The following AGAP3 variants were observed in gnomAD, a reference collection of about 807,000 sequenced individuals.
AGAP3 encodes arf-GAP with GTPase, ANK repeat and PH domain-containing protein 3.
In AGAP3, 24 loss-of-function variants were observed where a neutral mutation model predicts 96.9. The ratio of observed to expected loss-of-function variants is 0.25; its 90% CI spans 0.18 to 0.35. The LOEUF is 0.35. AGAP3 is among the 10% of genes least tolerant of loss of function. AGAP3 has a pLI of 1.00. For synonymous variants in AGAP3, 563 were observed against 536.1 expected (o/e 1.05, Z -0.69); for missense variants, 876 against 1,254.2 (o/e 0.70, Z 4.55).
chr7:151,104,804 T>A (rs1281759756), intron 1 of AGAP3, among the ~76,000 whole-genome samples: 1 of 152,208 alleles, frequency 6.6e-6, no homozygotes, highest in Non-Finnish European at 1.5e-5. Context: ...ACCGCCTTGC[T>A]TGTGGTAGCT....
intron 1 of AGAP3, among the ~76,000 whole-genome samples, chr7:151,098,227 C>G (rs911260296): frequency 2.0e-5 from 3 of 152,156 alleles, no homozygotes; most frequent in African/African-American, 7.2e-5. Context: ...GGCATGGTGG[C>G]GCATGCCTCC....
At chr7:151,099,007 A>T (rs1290612387) in intron 1 of AGAP3, among the ~76,000 whole-genome samples, 2 of 151,054 alleles carry the variant, frequency 1.3e-5, no homozygotes, top group Admixed American at 1.3e-4. Flanking sequence ...AAGCGCTGGG[A>T]TTATAGGTGT....
chr7:151,098,303 G>A (rs975978799), intron 1 of AGAP3, among the ~76,000 whole-genome samples: 1 of 152,170 alleles, frequency 6.6e-6, no homozygotes, highest in African/African-American at 2.4e-5. Flanking sequence ...AGGTTGCAGT[G>A]AGCTGAGATT....
At chr7:151,116,742 A>T (rs1275857674) in intron 1 of AGAP3, 51 bp from the exon 2 acceptor site, 1 of 1,606,336 alleles carries the variant, frequency 6.2e-7, no homozygotes, top group Non-Finnish European at 8.5e-7. Context: ...AGTGGTTGGG[A>T]CAGGTGTGTG....
At chr7:151,134,711 T>C (rs1469019382) in intron 11 of AGAP3, 143 bp downstream of exon 11, 2 of 884,356 alleles carry the variant, frequency 2.3e-6, no homozygotes, top group African/African-American at 1.7e-5. Flanking sequence ...GCCAAAGACA[T>C]GTGCCCTAAC....
In AGAP3 at chr7:151,138,304, C is replaced by G; in HGVS notation, c.1657C>G (p.Gln553Glu). The G allele has an allele frequency of 6.2e-7, 1 of 1,611,140 alleles. No individual in the cohort carries two copies. ...EATTSLPPGM[Q>E]HPASGPAEVL... Reference sequence around the variant, plus strand: ...CACCACTTCCCTGCCCCCAGGCATGCAGCACCCTGGTGAGTGGTGGCTCTG... The same window carrying G: ...CACCACTTCCCTGCCCCCAGGCATGGAGCACCCTGGTGAGTGGTGGCTCTG... Residue 553 changes from glutamine to glutamate, a missense_variant, in exon 12 of 18, where the codon CAG (glutamine) becomes GAG (glutamate). Physicochemically the swap from Gln to Glu is conservative, Grantham distance 29. This residue lies in a region of AGAP3 where 155 missense variants were observed against 144.4 expected (regional missense o/e 1.07). Transcript: ENST00000397238.
chr7:151,132,019 G>A (rs1283408824), intron 10 of AGAP3, among the ~76,000 whole-genome samples: 2 of 152,242 alleles, frequency 1.3e-5, no homozygotes, highest in Non-Finnish European at 2.9e-5. Flanking sequence ...ACCAGGGACG[G>A]GCAGCTGAGT....
In AGAP3 at chr7:151,118,626, C is replaced by T. The variant is rs756991712; in HGVS notation, c.963C>T (p.Ile321=). 1 of 1,612,866 alleles carries T rather than the reference C, an allele frequency of 6.2e-7. No homozygotes were observed. Among genetic ancestry groups the T allele is most frequent in the East Asian group, 2.2e-5 (1 of 44,872 alleles). The change falls in exon 7 of 18, where the codon ATC becomes ATT. Residue 321 remains isoleucine (I), a synonymous_variant. Coordinates refer to ENST00000397238, the MANE Select transcript of AGAP3 (RefSeq NM_031946.7). The surrounding 1 kb of genome is among the most constrained non-coding windows in gnomAD (Gnocchi z 6.1). ...CCGCCTCCATCCCGGCCGTGCACAT[C>T]AACCAGGTTCGGCCTGTGCCCCGCC... ...VSAASIPAVH[I]NQATNGGGSA...
intron 11 of AGAP3, among the ~76,000 whole-genome samples, chr7:151,134,970 C>T (rs1346430812): frequency 1.3e-5 from 2 of 152,166 alleles, no homozygotes; most frequent in Non-Finnish European, 2.9e-5. Context: ...TGAGGTCAAC[C>T]TGGTGCATAT....
At chr7:151,122,644 C>G in intron 8 of AGAP3, 5 of 1,573,506 alleles carry the variant, frequency 3.2e-6, no homozygotes, top group Non-Finnish European at 4.3e-6. Context: ...GCGCCTGGGT[C>G]TCTGCCCTCA....
chr7:151,122,541 C>CCTCCTTCTCCTCCTCCTCCTTGTCCTT (rs1799956170), intron 8 of AGAP3, among the ~76,000 whole-genome samples: 1 of 151,646 alleles, frequency 6.6e-6, no homozygotes, highest in Non-Finnish European at 1.5e-5. Context: ...TCCTGGTCCT[C>CCTCCTTCTCCTCCTCCTCCTTGTCCTT]CTCCTTCTCC....
At chr7:151,107,445 T>G (rs1799103201) in intron 1 of AGAP3, among the ~76,000 whole-genome samples, 1 of 151,658 alleles carries the variant, frequency 6.6e-6, no homozygotes, top group African/African-American at 2.4e-5. Context: ...GGCAACATGG[T>G]GAAAGCGGTC....
At chr7:151,125,306 CAG>C (rs1800109219) in intron 9 of AGAP3, among the ~76,000 whole-genome samples, 1 of 152,208 alleles carries the variant, frequency 6.6e-6, no homozygotes, top group Non-Finnish European at 1.5e-5. Context: ...CACTGGTCGT[CAG>C]GGGCTGACTT....
At position 151,143,757 on chromosome 7, in the gene AGAP3, C is replaced by T. The variant is rs1800913626; in HGVS notation, c.2550C>T (p.Ser850=). Residue 850 remains serine, a synonymous_variant, in exon 18 of 18, where the codon AGC becomes AGT. Transcript: ENST00000397238. The surrounding 1 kb of genome is among the most constrained non-coding windows in gnomAD (Gnocchi z 5.9). The part of the protein sequence containing the change: ...LLIWYGVDVR[S]RDARGLTPLA... ...TACAGTACGGGGTGGACGTGAGGAG[C>T]CGGGACGCCCGGGGCCTGACTCCAC... 1.2e-6 allele frequency: 2 copies of T among 1,614,060 alleles called. No individual in the cohort carries two copies. The highest frequency in any genetic ancestry group is 3.3e-5 in the Admixed American group (2 of 60,014).
intron 1 of AGAP3, among the ~76,000 whole-genome samples, chr7:151,101,368 G>A (rs1022509983): frequency 2.0e-5 from 3 of 152,202 alleles, no homozygotes; most frequent in Admixed American, 6.5e-5. Flanking sequence ...CTTCTGAGGC[G>A]GGTGTATCCT....
chr7:151,099,817 T>G (rs186825699), intron 1 of AGAP3, among the ~76,000 whole-genome samples: 29 of 152,238 alleles, frequency 1.9e-4, no homozygotes, highest in South Asian at 1.2e-3. Context: ...GTAAGGTTTT[T>G]TTTGTTTGTT....
intron 1 of AGAP3, among the ~76,000 whole-genome samples, chr7:151,088,275 T>G (rs933619642): frequency 6.6e-6 from 1 of 152,244 alleles, no homozygotes; most frequent in African/African-American, 2.4e-5. Context: ...GTTCTATCTT[T>G]TGTTGTGACA....
At chr7:151,104,780 C>T (rs536990045) in intron 1 of AGAP3, among the ~76,000 whole-genome samples, 1 of 152,332 alleles carries the variant, frequency 6.6e-6, no homozygotes, top group African/African-American at 2.4e-5. Context: ...ACCATAGGCA[C>T]ACAGGTATTG....
chr7:151,142,073 C>G lies in AGAP3; in HGVS notation c.1959+21C>G. 2 of 1,608,816 alleles carry G rather than the reference C, an allele frequency of 1.2e-6. No homozygotes were observed. The highest frequency in any genetic ancestry group is 2.2e-5 in the South Asian group (2 of 90,570). ...ACAAGGTGGGTACAGAGTGACTGGG[C>G]CCACACAGAGCACCTGGCTGGGGTG... On this transcript the variant is annotated intron_variant, in intron 14 of 17. Coordinates refer to ENST00000397238, the MANE Select transcript of AGAP3 (RefSeq NM_031946.7). The surrounding 1 kb of genome is among the most constrained non-coding windows in gnomAD (Gnocchi z 7.5).
Sources: gnomAD v4.1 joint callset for allele counts (sites outside exome capture counted in the v4.1 genomes callset) on GRCh38, gnomAD v4.1.1 for gene constraint, gnomAD v4.1.1 regional missense constraint, Gnocchi (gnomAD v3.1) non-coding constraint, MANE v1.5 for transcripts, NCBI Gene and HGNC (gene_info 2026-07-23, HGNC 2026-07-21) for gene names.